Variants in LIPC observed in about 807,000 individuals in gnomAD.
LIPC encodes the protein lipase C, hepatic type.
Under a neutral mutation model 50.7 loss-of-function variants are expected in LIPC, and 44 were observed. The ratio of observed to expected loss-of-function variants is 0.87; its 90% CI spans 0.68 to 1.11. The LOEUF is 1.11. Ranked by LOEUF, LIPC falls within the 50% of genes most tolerant of loss-of-function variation. The pLI is 0.00. For missense variants in LIPC, 697 were observed against 648.2 expected (o/e 1.08, Z -0.82); for synonymous variants, 271 against 256.4 (o/e 1.06, Z -0.54).
At position 58,485,837 on chromosome 15, in the gene LIPC, G is replaced by A. The variant is rs562262663; in HGVS notation, c.89-52496G>A. ...GGCCCCTTCTTCTCAAAGGCATTGA[G>A]GTTACTTTCCATGTAGATTACGGTT... On this transcript the variant is annotated intron_variant, in intron 1 of 8. Coordinates refer to ENST00000299022, the MANE Select transcript of LIPC (RefSeq NM_000236.3). Among the ~76,000 whole-genome samples, 19 of 152,336 alleles carry A rather than the reference G, an allele frequency of 1.2e-4. No individual in the cohort carries two copies. In the South Asian group the frequency reaches 3.9e-3, roughly 32 times the overall value.
chr15:58,543,631 G>A (rs1224547014), intron 4 of LIPC, among the ~76,000 whole-genome samples: 1 of 152,104 alleles, frequency 6.6e-6, no homozygotes, highest in African/African-American at 2.4e-5. Context: ...ATTTTATCAA[G>A]TGAGGACATT....
At chr15:58,477,353 G>C (rs1381868808) in intron 1 of LIPC, among the ~76,000 whole-genome samples, 1 of 152,210 alleles carries the variant, frequency 6.6e-6, no homozygotes, top group South Asian at 2.1e-4. Context: ...CCACAGTTCC[G>C]GGGCTGGAGC....
intron 1 of LIPC, among the ~76,000 whole-genome samples, chr15:58,440,337 A>G (rs934630327): frequency 1.3e-5 from 2 of 152,206 alleles, no homozygotes; most frequent in African/African-American, 2.4e-5. Flanking sequence ...TCCGTTGACT[A>G]GGACTGACCT....
At chr15:58,535,046 G>A (rs932225791) in intron 1 of LIPC, among the ~76,000 whole-genome samples, 2 of 152,124 alleles carry the variant, frequency 1.3e-5, no homozygotes, top group African/African-American at 4.8e-5. Flanking sequence ...AGGCACCAGA[G>A]CCCCACTTTC....
At chr15:58,497,178 G>A (rs1181272608) in intron 1 of LIPC, among the ~76,000 whole-genome samples, 7 of 152,132 alleles carry the variant, frequency 4.6e-5, no homozygotes, top group African/African-American at 1.7e-4. Context: ...TGGCCTGAGT[G>A]GTCAGTGTGC....
chr15:58,564,912 A>G (rs910262832), intron 8 of LIPC, among the ~76,000 whole-genome samples: 2 of 151,924 alleles, frequency 1.3e-5, no homozygotes, highest in Non-Finnish European at 2.9e-5. Context: ...TCCCTTCTCT[A>G]TTCAGGAAAC....
intron 1 of LIPC, chr15:58,494,962 C>T (rs1444418610): frequency 1.4e-5 from 6 of 441,114 alleles, no homozygotes; most frequent in Non-Finnish European, 2.3e-5. Flanking sequence ...ACACCCAGCC[C>T]TCATGTCATT....
chr15:58,556,809 C>T (rs547133456), intron 6 of LIPC, among the ~76,000 whole-genome samples: 209 of 152,300 alleles, frequency 1.4e-3, no homozygotes, highest in African/African-American at 3.9e-3. Context: ...CGACAAGTTA[C>T]TTAACTTTTT....
At chr15:58,462,400 A>C (rs770969469) in intron 1 of LIPC, among the ~76,000 whole-genome samples, 1 of 152,194 alleles carries the variant, frequency 6.6e-6, no homozygotes, top group African/African-American at 2.4e-5. Flanking sequence ...CTGTCCCCCT[A>C]AACAGTATTA....
rs552645853 is a variant in LIPC at position 58,488,557 on chromosome 15, T to C, written c.89-49776T>C. 2.6e-5 allele frequency among the ~76,000 whole-genome samples: 4 copies of C among 152,316 alleles called. No homozygotes were observed. The East Asian group carries it at 5.8e-4, about 22-fold the overall frequency. ...GGAAAATATTTAGTCCCACATTCATTTCTTTCCTATATGAACCTGGAATCA... is the reference window on the plus strand; with the variant it reads ...GGAAAATATTTAGTCCCACATTCATCTCTTTCCTATATGAACCTGGAATCA... On this transcript the variant is annotated intron_variant, in intron 1 of 8. Transcript: ENST00000299022.
intron 1 of LIPC, among the ~76,000 whole-genome samples, chr15:58,451,751 G>A (rs568285791): frequency 6.6e-6 from 1 of 152,320 alleles, no homozygotes; most frequent in South Asian, 2.1e-4. Context: ...TGTGAGGCAC[G>A]AGGATGAGCG....
At chr15:58,527,006 C>T (rs1279785755) in intron 1 of LIPC, among the ~76,000 whole-genome samples, 1 of 152,206 alleles carries the variant, frequency 6.6e-6, no homozygotes, top group Non-Finnish European at 1.5e-5. Context: ...TGCCATTGCT[C>T]CCTATGGCAA....
At chr15:58,556,011 C>T (rs1352490136) in intron 6 of LIPC, among the ~76,000 whole-genome samples, 1 of 152,182 alleles carries the variant, frequency 6.6e-6, no homozygotes, top group South Asian at 2.1e-4. Context: ...GGGCTCAGAG[C>T]TGAGCAGTGG....
At chr15:58,461,271 A>G (rs7165752) in intron 1 of LIPC, among the ~76,000 whole-genome samples, 20,611 of 152,280 alleles carry the variant, frequency 0.14, 1,436 homozygotes, top group Non-Finnish European at 0.17. Context: ...CACAGCAGCC[A>G]GCTGCAGGAA....
chr15:58,493,243 G>A (rs1343491832), intron 1 of LIPC, among the ~76,000 whole-genome samples: 6 of 151,984 alleles, frequency 3.9e-5, no homozygotes, highest in East Asian at 1.9e-4. Flanking sequence ...TCTCTCTGCC[G>A]GCCACCTCCT....
At chr15:58,483,483 G>A (rs1039456481) in intron 1 of LIPC, among the ~76,000 whole-genome samples, 17 of 152,178 alleles carry the variant, frequency 1.1e-4, no homozygotes, top group African/African-American at 3.6e-4. Flanking sequence ...CAGAGGTTTT[G>A]CAGGATGTGG....
intron 8 of LIPC, chr15:58,566,463 T>C (rs1250014204): frequency 6.1e-6 from 6 of 985,036 alleles, no homozygotes; most frequent in Non-Finnish European, 6.0e-6. Flanking sequence ...ATACATTTCA[T>C]GAGACTAATA....
At chr15:58,518,729 T>C (rs1322654133) in intron 1 of LIPC, among the ~76,000 whole-genome samples, 1 of 152,180 alleles carries the variant, frequency 6.6e-6, no homozygotes, top group African/African-American at 2.4e-5. Flanking sequence ...GCATCTATTG[T>C]GTGAATCTAC....
intron 1 of LIPC, among the ~76,000 whole-genome samples, chr15:58,485,024 C>T (rs1891320219): frequency 6.6e-6 from 1 of 152,202 alleles, no homozygotes; most frequent in Admixed American, 6.5e-5. Context: ...TGAGCAGCAA[C>T]CATAGCATTC....
Sources: gnomAD v4.1 joint callset for allele counts (sites outside exome capture counted in the v4.1 genomes callset) on GRCh38, gnomAD v4.1.1 for gene constraint, MANE v1.5 for transcripts, NCBI Gene and HGNC (gene_info 2026-07-23, HGNC 2026-07-21) for gene names.